The following KCNN2 variants were observed in gnomAD, a reference collection of about 807,000 sequenced individuals.
The protein encoded by KCNN2 is small conductance calcium-activated potassium channel protein 2.
Under a neutral mutation model 55.5 loss-of-function variants are expected in KCNN2, and 24 were observed. The observed-to-expected ratio is 0.43, with a 90% CI of 0.31 to 0.61. The LOEUF is 0.61. Among genes scored for constraint, KCNN2 ranks in the 20% least tolerant of loss-of-function variants. The pLI is 0.08. For synonymous variants in KCNN2, 431 were observed against 336.1 expected (o/e 1.28, Z -3.09); for missense variants, 754 against 853.6 (o/e 0.88, Z 1.45).
intron 1 of KCNN2, among the ~76,000 whole-genome samples, chr5:114,071,817 G>A (rs1750575169): frequency 6.6e-6 from 1 of 152,192 alleles, no homozygotes; most frequent in African/African-American, 2.4e-5. Flanking sequence ...AAGGGACCAT[G>A]TGCTATGGTT....
chr5:114,140,403 G>T (rs917456036), intron 1 of KCNN2, among the ~76,000 whole-genome samples: 5 of 152,120 alleles, frequency 3.3e-5, no homozygotes, highest in Admixed American at 2.0e-4. Flanking sequence ...TCTCTGATCT[G>T]TTTACCTTAG....
chr5:114,089,172 A>G (rs1347726255), intron 1 of KCNN2, among the ~76,000 whole-genome samples: 3 of 152,140 alleles, frequency 2.0e-5, no homozygotes, highest in African/African-American at 7.2e-5. Context: ...ATGGTGTGCT[A>G]CCAAGTGTTT....
chr5:114,313,461 C>A (rs947872569), intron 2 of KCNN2, among the ~76,000 whole-genome samples: 9 of 152,218 alleles, frequency 5.9e-5, no homozygotes, highest in African/African-American at 1.9e-4. Context: ...ACATTATATT[C>A]TTTTGCTAGT....
At chr5:114,251,105 C>T (rs1007728389) in intron 2 of KCNN2, among the ~76,000 whole-genome samples, 8 of 152,186 alleles carry the variant, frequency 5.3e-5, no homozygotes, top group African/African-American at 1.9e-4. Flanking sequence ...ATCCTGGTAA[C>T]AGTCAGGTGG....
At chr5:114,211,054 A>G (rs1753871343) in intron 1 of KCNN2, among the ~76,000 whole-genome samples, 1 of 152,182 alleles carries the variant, frequency 6.6e-6, no homozygotes, top group Non-Finnish European at 1.5e-5. Context: ...AAAAAGTTAA[A>G]AAAAAACAGA....
intron 3 of KCNN2, among the ~76,000 whole-genome samples, chr5:114,406,510 G>C (rs989331914): frequency 6.6e-6 from 1 of 150,730 alleles, no homozygotes; most frequent in Admixed American, 6.6e-5. Flanking sequence ...ATAATATATC[G>C]TAATCATTTT....
intron 2 of KCNN2, among the ~76,000 whole-genome samples, chr5:114,260,995 T>G (rs189352911): frequency 5.4e-4 from 83 of 152,334 alleles, no homozygotes; most frequent in African/African-American, 1.9e-3. Flanking sequence ...CCACTGCAGT[T>G]CCCTGGACCA....
At chr5:114,276,697 T>G (rs1337320694) in intron 2 of KCNN2, among the ~76,000 whole-genome samples, 1 of 148,920 alleles carries the variant, frequency 6.7e-6, no homozygotes, top group African/African-American at 2.5e-5. Flanking sequence ...TGGTAGATCT[T>G]CCTCCATCCC....
intron 2 of KCNN2, among the ~76,000 whole-genome samples, chr5:114,284,779 A>G (rs1755700996): frequency 6.6e-6 from 1 of 151,550 alleles, no homozygotes; most frequent in Non-Finnish European, 1.5e-5. Flanking sequence ...TAGCCTCCCA[A>G]AGTGCTAGGA....
Position 114,168,014 on chromosome 5 carries a change from G to A in KCNN2, c.-270-53466G>A, listed in dbSNP as rs190841862. Among the ~76,000 whole-genome samples the A allele has an allele frequency of 3.0e-4, 45 of 152,100 alleles. No individual in the cohort carries two copies. In the South Asian group the frequency reaches 5.2e-3, roughly 18 times the overall value. On this transcript the variant is annotated intron_variant, in intron 1 of 10. Transcript: ENST00000512097. ...TCAGTTGCTGTTTACTTTTTATTGC[G>A]AGTAGCATGTGAGTAGTATACCATT...
intron 2 of KCNN2, among the ~76,000 whole-genome samples, chr5:114,280,062 AT>A (rs1307085361): frequency 6.6e-6 from 1 of 152,048 alleles, no homozygotes; most frequent in Non-Finnish European, 1.5e-5. Context: ...GATGATGAGC[AT>A]TTTTTCATGT....
intron 2 of KCNN2, among the ~76,000 whole-genome samples, chr5:114,250,819 A>G (rs1754843434): frequency 6.6e-6 from 1 of 152,150 alleles, no homozygotes; most frequent in Admixed American, 6.5e-5. Flanking sequence ...TACTAATGGA[A>G]AGGAATTTAA....
intron 2 of KCNN2, among the ~76,000 whole-genome samples, chr5:114,271,420 G>A (rs1480688292): frequency 6.6e-6 from 1 of 152,064 alleles, no homozygotes; most frequent in Non-Finnish European, 1.5e-5. Context: ...GTTCCCACCC[G>A]ACCCAGAAGC....
chr5:114,293,770 C>G (rs1017975178), intron 2 of KCNN2, among the ~76,000 whole-genome samples: 4 of 152,164 alleles, frequency 2.6e-5, no homozygotes, highest in African/African-American at 7.2e-5. Context: ...AGGAATGGTA[C>G]CAGTTCCTCC....
intron 1 of KCNN2, among the ~76,000 whole-genome samples, chr5:114,172,432 C>T (rs1216375392): frequency 1.3e-5 from 2 of 151,622 alleles, no homozygotes; most frequent in East Asian, 3.9e-4. Flanking sequence ...CGTATTTTCT[C>T]ACCTCTATTT....
intron 2 of KCNN2, among the ~76,000 whole-genome samples, chr5:114,396,306 A>G (rs1370657446): frequency 1.4e-5 from 2 of 138,944 alleles, no homozygotes; most frequent in East Asian, 2.0e-4. Flanking sequence ...AAGGGAGACT[A>G]GGAAAACTAA....
chr5:114,340,292 A>G (rs948533561), intron 2 of KCNN2, among the ~76,000 whole-genome samples: 1 of 152,172 alleles, frequency 6.6e-6, no homozygotes, highest in African/African-American at 2.4e-5. Context: ...AGTTGCCCCA[A>G]TCTTCCACTT....
intron 1 of KCNN2, among the ~76,000 whole-genome samples, chr5:114,129,730 A>G (rs898863899): frequency 6.6e-6 from 1 of 152,116 alleles, no homozygotes; most frequent in East Asian, 1.9e-4. Context: ...CAGCAACCCA[A>G]TTTCCTCCTT....
intron 2 of KCNN2, among the ~76,000 whole-genome samples, chr5:114,234,203 A>G (rs1161025979): frequency 1.3e-5 from 2 of 152,174 alleles, no homozygotes; most frequent in Non-Finnish European, 2.9e-5. Flanking sequence ...ATTTTCAGAC[A>G]TATCATTTAT....
Sources: allele counts gnomAD v4.1 joint callset (sites outside exome capture counted in the v4.1 genomes callset), GRCh38; gene constraint gnomAD v4.1.1; transcripts MANE v1.5; gene names NCBI Gene and HGNC (gene_info 2026-07-23, HGNC 2026-07-21).